Variants in CD99L2 observed in about 807,000 individuals in gnomAD.
CD99L2 encodes the protein CD99 molecule like 2, also known as CD99 antigen-like protein 2.
Under a neutral mutation model 27.3 loss-of-function variants are expected in CD99L2, and 24 were observed. That is an observed-to-expected ratio of 0.88 (90% CI 0.64 to 1.24). CD99L2 has a LOEUF of 1.24. Among genes scored for constraint, CD99L2 ranks in the 50% most tolerant of loss-of-function variants. The pLI is 0.00. For synonymous variants in CD99L2, 97 were observed against 87.9 expected (o/e 1.10, Z -0.58); for missense variants, 255 against 221.6 (o/e 1.15, Z -0.96).
At chrX:150,836,019 A>G (rs982038987) in intron 1 of CD99L2, among the ~76,000 whole-genome samples, 1 of 111,391 alleles carries the variant, frequency 9.0e-6, no homozygotes, top group Non-Finnish European at 1.9e-5. Flanking sequence ...TAACTGAAAA[A>G]GCTCTGGGGA....
intron 1 of CD99L2, among the ~76,000 whole-genome samples, chrX:150,884,341 G>A (rs1557422565): frequency 2.7e-5 from 3 of 111,707 alleles, no homozygotes; most frequent in African/African-American, 9.8e-5. Flanking sequence ...CTGCATACTC[G>A]TGAGAGGAGA....
In CD99L2 at chrX:150,771,771, CAA is replaced by C. The variant is rs2043460359; in HGVS notation, c.656-1404_656-1403del. On this transcript the variant is annotated intron_variant, in intron 9 of 10. Transcript: ENST00000370377. ...GAATGAGGAAGCATCAAGGCTGAAG[CAA>C]AAGGAAAGTGAGGAAGGCAAAGCAG... The C allele has an allele frequency of 1.5e-5, 17 of 1,152,037 alleles. No homozygotes were observed. The Admixed American group carries it at 3.9e-4, about 26-fold the overall frequency. 94.9% of individuals were successfully genotyped at this position (1,152,037 alleles called of 1,213,427 possible).
At chrX:150,799,653 T>C (rs2045872519) in intron 4 of CD99L2, among the ~76,000 whole-genome samples, 2 of 112,075 alleles carry the variant, frequency 1.8e-5, no homozygotes, top group Non-Finnish European at 3.8e-5. Flanking sequence ...ATTAGGGATA[T>C]GCAAATAAAA....
At chrX:150,859,398 C>T (rs1490373464) in intron 1 of CD99L2, among the ~76,000 whole-genome samples, 1 of 110,879 alleles carries the variant, frequency 9.0e-6, no homozygotes, top group African/African-American at 3.3e-5. Context: ...ACTCGGGAGG[C>T]TGAGGCAGGG....
chrX:150,814,368 T>C (rs1398072897), intron 4 of CD99L2, among the ~76,000 whole-genome samples: 1 of 111,644 alleles, frequency 9.0e-6, no homozygotes, highest in Non-Finnish European at 1.9e-5. Context: ...CCACTGCCTA[T>C]GGGTGTGAGG....
chrX:150,830,765 T>C (rs1290672812), intron 2 of CD99L2, among the ~76,000 whole-genome samples: 2 of 111,591 alleles, frequency 1.8e-5, no homozygotes, highest in Non-Finnish European at 3.8e-5. Context: ...AGGATTTAAA[T>C]ATTCAAATTT....
intron 1 of CD99L2, among the ~76,000 whole-genome samples, chrX:150,839,008 A>T (rs2046581356): frequency 9.1e-6 from 1 of 109,783 alleles, no homozygotes; most frequent in Non-Finnish European, 1.9e-5. Context: ...TAAAATGTAC[A>T]TTTAAAACAA....
chrX:150,891,897 G>A (rs2047518570), intron 1 of CD99L2, among the ~76,000 whole-genome samples: 1 of 111,966 alleles, frequency 8.9e-6, no homozygotes. Context: ...GAGCAGAAGA[G>A]GAATAACATG....
rs150814520 is a variant in CD99L2 at position 150,798,966 on chromosome X, G to A, written c.278-3480C>T. ...GGGTTGCCCCATGTTGGCAAAGCTG[G>A]TCTCAAACTCCTGGACTTAAGCCAT... On this transcript the variant is annotated intron_variant, in intron 4 of 10. Coordinates refer to ENST00000370377, the MANE Select transcript of CD99L2 (RefSeq NM_031462.4). Among the ~76,000 whole-genome samples the A allele has an allele frequency of 5.1e-3, 573 of 112,066 alleles. 7 individuals carry two copies. The highest frequency in any genetic ancestry group is 0.014 in the Middle Eastern group (3 of 217).
At chrX:150,890,435 C>T (rs186488895) in intron 1 of CD99L2, among the ~76,000 whole-genome samples, 48 of 111,827 alleles carry the variant, frequency 4.3e-4, no homozygotes, top group African/African-American at 1.5e-3. Context: ...GTCGAGATTG[C>T]GCCATTGCAC....
chrX:150,777,001 G>C (rs781898219), intron 8 of CD99L2: 10 of 163,220 alleles, frequency 6.1e-5, no homozygotes, highest in Non-Finnish European at 1.0e-4. Flanking sequence ...AAGAGAAAGA[G>C]ACAAAAGGTT....
chrX:150,860,113 CA>C (rs1359169284), intron 1 of CD99L2, among the ~76,000 whole-genome samples: 2 of 111,344 alleles, frequency 1.8e-5, no homozygotes, highest in African/African-American at 6.5e-5. Flanking sequence ...AATAGCACAT[CA>C]AAAAAATAAT....
At chrX:150,897,526 A>AGTGTGTGTGTGTGTGT (rs58656065) in intron 1 of CD99L2, among the ~76,000 whole-genome samples, 8 of 103,843 alleles carry the variant, frequency 7.7e-5, no homozygotes, top group African/African-American at 2.8e-4. Context: ...ACTAGGACAA[A>AGTGTGTGTGTGTGTGT]GTGTGTGTGT....
chrX:150,828,056 G>A (rs973080640), intron 2 of CD99L2, among the ~76,000 whole-genome samples: 5 of 111,809 alleles, frequency 4.5e-5, no homozygotes, highest in African/African-American at 1.3e-4. Flanking sequence ...CAATTGATAA[G>A]TTCTCCATCA....
At position 150,831,270 on chromosome X, in the gene CD99L2, T is replaced by G. The variant is rs782289105; in HGVS notation, c.91A>C (p.Asn31His). 8.3e-7 allele frequency: 1 copy of G among 1,204,213 alleles called. No homozygotes were observed. The change falls in exon 2 of 11, where the codon AAC becomes CAC. Residue 31 changes from asparagine (N) to histidine (H), a missense_variant. Transcript: ENST00000370377. ...QRGSGDFDDFNLEDAVKETSS... is the reference protein window; with the variant it reads ...QRGSGDFDDFHLEDAVKETSS... ...GTTTCTTTCACTGCATCCTCCAGGT[T>G]AAAATCATCAAAGTCCCCAGATCCT... is the stretch of plus-strand genomic sequence containing the variant.
At chrX:150,794,371 C>G (rs2124110692) in intron 6 of CD99L2, among the ~76,000 whole-genome samples, 1 of 112,139 alleles carries the variant, frequency 8.9e-6, no homozygotes, top group South Asian at 3.7e-4. Flanking sequence ...TATATGAGCT[C>G]CTGAGCAGAA....
rs183184467 is a variant in CD99L2, at chrX:150,783,445, A to T, written c.497-5963T>A. Among the ~76,000 whole-genome samples, 24 of 111,363 alleles carry T rather than the reference A, an allele frequency of 2.2e-4. No homozygotes were observed. The East Asian group carries it at 6.8e-3, about 32-fold the overall frequency. ...ACAAGTGAGGGCGTTCACGCTTCAC[A>T]CTTGGGGACATCTCCAGATAGCCTC... On this transcript the variant is annotated intron_variant, in intron 7 of 10. Coordinates refer to ENST00000370377, the MANE Select transcript of CD99L2 (RefSeq NM_031462.4).
Position 150,859,667 on chromosome X carries a change from T to C in CD99L2, c.68-28374A>G, listed in dbSNP as rs782299880. 2.7e-4 allele frequency among the ~76,000 whole-genome samples: 29 copies of C among 109,012 alleles called. No homozygotes were observed. In the Middle Eastern group the frequency reaches 0.014, roughly 52 times the overall value. 94.7% of individuals were successfully genotyped at this position (109,012 alleles called of 115,157 possible). On this transcript the variant is annotated intron_variant, in intron 1 of 10. Coordinates refer to ENST00000370377, the MANE Select transcript of CD99L2 (RefSeq NM_031462.4). ...CACCTGCCACCACGCCCAGCTAATT[T>C]TTTGTATTTTTAGTACAGACGGGGT...
chrX:150,858,540 CAAG>C (rs1284234219), intron 1 of CD99L2, among the ~76,000 whole-genome samples: 2 of 112,223 alleles, frequency 1.8e-5, no homozygotes, highest in Admixed American at 1.9e-4. Flanking sequence ...AAATCAATAA[CAAG>C]AAGAACTTTG....
Sources: allele counts gnomAD v4.1 joint callset (sites outside exome capture counted in the v4.1 genomes callset), GRCh38; gene constraint gnomAD v4.1.1; transcripts MANE v1.5; gene names NCBI Gene and HGNC (gene_info 2026-07-23, HGNC 2026-07-21).